The following PDE4D variants were observed in gnomAD, a reference collection of about 807,000 sequenced individuals.
PDE4D encodes phosphodiesterase 4D, also known as 3',5'-cyclic-AMP phosphodiesterase 4D.
Under a neutral mutation model 87.4 loss-of-function variants are expected in PDE4D, and 24 were observed. That is an observed-to-expected ratio of 0.27 (90% CI 0.20 to 0.39). The LOEUF (loss-of-function observed/expected upper bound fraction) is 0.39. Among genes scored for constraint, PDE4D ranks in the 10% least tolerant of loss-of-function variants. The probability of loss-of-function intolerance (pLI) is 1.00; values close to 1 mark genes in which losing one functional copy is unlikely to be tolerated. For missense variants in PDE4D, 714 were observed against 1,041.0 expected (o/e 0.69, Z 4.32); for synonymous variants, 384 against 383.2 (o/e 1.00, Z -0.02).
At chr5:60,395,616 G>C (rs927737693) in intron 1 of PDE4D, among the ~76,000 whole-genome samples, 1 of 152,160 alleles carries the variant, frequency 6.6e-6, no homozygotes, top group Admixed American at 6.5e-5. Context: ...TAGTGAGGCA[G>C]AAAGGATGAG....
intron 1 of PDE4D, among the ~76,000 whole-genome samples, chr5:60,418,929 T>G (rs1186328999): frequency 6.6e-6 from 1 of 152,068 alleles, no homozygotes; most frequent in Non-Finnish European, 1.5e-5. Context: ...ATTAAAAGAT[T>G]AAGATAAACA....
At chr5:59,357,324 G>C (rs35279) in intron 1 of PDE4D, among the ~76,000 whole-genome samples, 46,348 of 152,108 alleles carry the variant, frequency 0.3, 7,908 homozygotes, top group East Asian at 0.41. Context: ...CTATGACTGG[G>C]TCATCTGACA....
chr5:60,513,375 A>C (rs1010119750), intron 1 of PDE4D, among the ~76,000 whole-genome samples: 7 of 152,156 alleles, frequency 4.6e-5, no homozygotes, highest in African/African-American at 1.7e-4. Context: ...GGCTGAATTT[A>C]CTAGGAAGAT....
intron 1 of PDE4D, among the ~76,000 whole-genome samples, chr5:59,671,634 C>T (rs145773769): frequency 2.0e-5 from 3 of 151,786 alleles, no homozygotes; most frequent in African/African-American, 7.2e-5. Context: ...ATGTCCAAAC[C>T]CCTTCTCTAC....
chr5:59,642,418 T>C (rs1192655699), intron 1 of PDE4D, among the ~76,000 whole-genome samples: 1 of 152,174 alleles, frequency 6.6e-6, no homozygotes, highest in Admixed American at 6.5e-5. Context: ...CCAAATCTCA[T>C]CTTGAATTAT....
At chr5:59,610,769 A>G (rs922772539) in intron 1 of PDE4D, among the ~76,000 whole-genome samples, 29 of 152,176 alleles carry the variant, frequency 1.9e-4, no homozygotes, top group Admixed American at 1.3e-4. Flanking sequence ...AGGAGACTAC[A>G]TGAGGTTTTG....
At chr5:59,200,114 C>CACA (rs1746670804) in intron 2 of PDE4D, among the ~76,000 whole-genome samples, 1 of 143,656 alleles carries the variant, frequency 7.0e-6, no homozygotes, top group African/African-American at 2.8e-5. Flanking sequence ...TATGCACACA[C>CACA]ATACATGCAT....
chr5:59,059,335 T>TA (rs1393498213), intron 5 of PDE4D, among the ~76,000 whole-genome samples: 1 of 152,156 alleles, frequency 6.6e-6, no homozygotes, highest in East Asian at 1.9e-4. Context: ...GCAGTTGAGT[T>TA]AAAAGAAATT....
intron 6 of PDE4D, among the ~76,000 whole-genome samples, chr5:59,004,271 G>A (rs1351457666): frequency 6.6e-6 from 1 of 152,130 alleles, no homozygotes; most frequent in Non-Finnish European, 1.5e-5. Context: ...TAACTGATTA[G>A]CTGTGTGACC....
chr5:59,169,730 C>G (rs920852389), intron 5 of PDE4D, among the ~76,000 whole-genome samples: 2 of 152,180 alleles, frequency 1.3e-5, no homozygotes, highest in Non-Finnish European at 2.9e-5. Flanking sequence ...AATGACAACA[C>G]TGTACACAGG....
At chr5:60,335,724 G>A (rs1190820139) in intron 1 of PDE4D, among the ~76,000 whole-genome samples, 1 of 152,134 alleles carries the variant, frequency 6.6e-6, no homozygotes, top group East Asian at 1.9e-4. Context: ...TAGTGTTTGT[G>A]TAAGTCTTTT....
chr5:59,893,945 C>T, upstream of PDE4D: 1 of 494,528 alleles, frequency 2.0e-6, no homozygotes, highest in Non-Finnish European at 2.9e-6. Context: ...TCCCTTTCTT[C>T]TTCCCTTCCT....
At chr5:59,244,156 A>T (rs1399894461) in intron 1 of PDE4D, among the ~76,000 whole-genome samples, 1 of 151,968 alleles carries the variant, frequency 6.6e-6, no homozygotes, top group African/African-American at 2.4e-5. Flanking sequence ...CAGGCTGGGC[A>T]TGTTGGCTCA....
intron 5 of PDE4D, among the ~76,000 whole-genome samples, chr5:59,117,742 G>C (rs1773840337): frequency 6.6e-6 from 1 of 151,756 alleles, no homozygotes; most frequent in South Asian, 2.1e-4. Context: ...TGGTAGCTTG[G>C]AACCAGCCAT....
chr5:59,284,354 G>A (rs75653511), intron 1 of PDE4D, among the ~76,000 whole-genome samples: 7,365 of 152,152 alleles, frequency 0.048, 204 homozygotes, highest in African/African-American at 0.066. Context: ...AGGCATTATG[G>A]AGGCCCAAAT....
chr5:60,447,960 ACT>A (rs1745785580), intron 1 of PDE4D, among the ~76,000 whole-genome samples: 3 of 152,214 alleles, frequency 2.0e-5, no homozygotes, highest in African/African-American at 7.2e-5. Context: ...GTATAGTCTA[ACT>A]CAATTATTTG....
At chr5:60,456,437 A>G (rs1490455374) in intron 1 of PDE4D, among the ~76,000 whole-genome samples, 1 of 152,226 alleles carries the variant, frequency 6.6e-6, no homozygotes, top group Non-Finnish European at 1.5e-5. Flanking sequence ...ATCTCATTCC[A>G]TGCAGCCAGA....
chr5:59,595,272 C>T (rs1034331692), intron 1 of PDE4D, among the ~76,000 whole-genome samples: 1 of 152,096 alleles, frequency 6.6e-6, no homozygotes, highest in African/African-American at 2.4e-5. Flanking sequence ...CACATAGTTT[C>T]ATTTTAACTA....
intron 1 of PDE4D, among the ~76,000 whole-genome samples, chr5:60,418,009 C>T (rs1272106451): frequency 1.3e-5 from 2 of 152,220 alleles, no homozygotes; most frequent in Admixed American, 1.3e-4. Context: ...GAAAAAGAGA[C>T]TCCTGAATTA....
Sources: allele counts gnomAD v4.1 joint callset (sites outside exome capture counted in the v4.1 genomes callset), GRCh38; gene constraint gnomAD v4.1.1; transcripts MANE v1.5; gene names NCBI Gene and HGNC (gene_info 2026-07-23, HGNC 2026-07-21).